The following KCNH7 variants were observed in gnomAD, a reference collection of about 807,000 sequenced individuals.
KCNH7 encodes potassium voltage-gated channel subfamily H member 7.
Under a neutral mutation model 120.8 loss-of-function variants are expected in KCNH7, and 49 were observed. That is an observed-to-expected ratio of 0.41 (90% CI 0.32 to 0.51). The LOEUF is 0.51. KCNH7 is among the 20% of genes least tolerant of loss of function. The pLI is 0.38. For synonymous variants in KCNH7, 547 were observed against 516.1 expected, an observed-to-expected ratio of 1.06 and a Z score of -0.81; for missense variants, 1,097 against 1,446.6, an observed-to-expected ratio of 0.76 and a Z score of 3.92.
Position 162,517,745 on chromosome 2 carries a change from G to T in KCNH7, c.877C>A (p.Arg293=). The T allele has an allele frequency of 1.3e-6, 2 of 1,553,474 alleles. No individual in the cohort carries two copies. Among genetic ancestry groups the T allele is most frequent in the South Asian group, 1.2e-5 (1 of 81,650 alleles). The change falls in exon 4 of 16, where the codon CGA becomes AGA. Residue 293 remains arginine, a synonymous_variant. Transcript: ENST00000332142. ...GVHPKNIFRD[R]HASEDNGRNV... ...TCAAACATACCTTCGCTGGCATGTC[G>T]GTCTCTAAATATGTTCTTGGGGTGG...
Position 162,725,902 on chromosome 2 carries a change from C to T in KCNH7, c.307+110635G>A, listed in dbSNP as rs1162170067. On this transcript the variant is annotated intron_variant, in intron 2 of 15. Transcript: ENST00000332142. The stretch of plus-strand genomic sequence containing the variant: ...ATTTTTCATAGCAAATTCCAGATAC[C>T]GTATCATGTCATCTGCACATATTTC... Among the ~76,000 whole-genome samples the T allele has an allele frequency of 2.0e-5, 3 of 152,086 alleles. No individual in the cohort carries two copies. In the East Asian group the frequency reaches 5.8e-4, roughly 29 times the overall value.
rs1207883811 is a variant in KCNH7, at chr2:162,619,538, T to C, written c.308-82458A>G. Among the ~76,000 whole-genome samples, 3 of 151,476 alleles carry C rather than the reference T, an allele frequency of 2.0e-5. No individual in the cohort carries two copies. The East Asian group carries it at 5.8e-4, about 29-fold the overall frequency. On this transcript the variant is annotated intron_variant, in intron 2 of 15. Coordinates refer to ENST00000332142, the MANE Select transcript of KCNH7 (RefSeq NM_033272.4). ...AAAATCTTCCAAAATCAATGTCAGATGACAGCTAATCTAGTAATGATTTCC... is the reference window on the plus strand; with the variant it reads ...AAAATCTTCCAAAATCAATGTCAGACGACAGCTAATCTAGTAATGATTTCC...
chr2:162,424,580 A>T (rs1164305696), intron 8 of KCNH7, among the ~76,000 whole-genome samples: 1 of 152,184 alleles, frequency 6.6e-6, no homozygotes, highest in Non-Finnish European at 1.5e-5. Context: ...ATTAAAGTAA[A>T]TTCAAACAAC....
rs141435427 is a variant in KCNH7, at chr2:162,785,707, T to A, written c.307+50830A>T. Among the ~76,000 whole-genome samples the A allele has an allele frequency of 6.1e-3, 933 of 152,272 alleles. 7 individuals are homozygous for A. Among genetic ancestry groups the A allele is most frequent in the South Asian group, 0.028 (137 of 4,830 alleles). On this transcript the variant is annotated intron_variant, in intron 2 of 15. Transcript: ENST00000332142. Reference sequence around the variant, plus strand: ...CTGTGGAATAGTTTTTTGTTTTTTGTTTTTTGTTTGTTTGCAGTTGGGGTG... The same window carrying A: ...CTGTGGAATAGTTTTTTGTTTTTTGATTTTTGTTTGTTTGCAGTTGGGGTG...
chr2:162,508,981 A>T (rs540274899), intron 5 of KCNH7, among the ~76,000 whole-genome samples: 18 of 151,562 alleles, frequency 1.2e-4, no homozygotes, highest in Non-Finnish European at 1.8e-4. Context: ...AAGCATTTGC[A>T]AGATGGATGA....
intron 6 of KCNH7, among the ~76,000 whole-genome samples, chr2:162,503,167 T>C (rs530977804): frequency 6.5e-4 from 99 of 152,206 alleles, no homozygotes; most frequent in African/African-American, 2.3e-3. Flanking sequence ...TATTCCCTTA[T>C]GCACTTGCAG....
chr2:162,570,516 T>C (rs1191364936), intron 2 of KCNH7, among the ~76,000 whole-genome samples: 1 of 152,076 alleles, frequency 6.6e-6, no homozygotes, highest in African/African-American at 2.4e-5. Context: ...AATTGGAGCA[T>C]TTAGTCCACT....
intron 6 of KCNH7, among the ~76,000 whole-genome samples, chr2:162,478,600 A>C (rs1484115160): frequency 2.6e-5 from 4 of 152,164 alleles, no homozygotes; most frequent in Admixed American, 2.6e-4. Context: ...ACCTCAACCC[A>C]CTTCAGGGAC....
At chr2:162,654,109 G>A (rs1224395300) in intron 2 of KCNH7, among the ~76,000 whole-genome samples, 1 of 146,388 alleles carries the variant, frequency 6.8e-6, no homozygotes. Context: ...TTTTTGAAAT[G>A]ACCCTAAAAA....
chr2:162,705,151 A>G (rs551237585), intron 2 of KCNH7, among the ~76,000 whole-genome samples: 6 of 152,238 alleles, frequency 3.9e-5, no homozygotes, highest in Admixed American at 1.3e-4. Context: ...ACATCAAATT[A>G]ATCTGATAGT....
In KCNH7 at chr2:162,517,610, C is replaced by T. The variant is rs749522098; in HGVS notation, c.892+120G>A. The T allele has an allele frequency of 8.8e-4, 758 of 859,142 alleles. 5 individuals are homozygous for T. The highest frequency in any genetic ancestry group is 1.9e-4 in the Non-Finnish European group (112 of 582,264). The allele number at this position is 859,142 out of a possible 1,614,324, so 53.2% of individuals were successfully genotyped here. On this transcript the variant is annotated intron_variant, in intron 4 of 15. Transcript: ENST00000332142. Reference sequence around the variant, plus strand: ...AGTGTAGGACTCAGGTTTTTAATAGCCTTTAATCACATTTCTTTCCCCAAT... The same window carrying T: ...AGTGTAGGACTCAGGTTTTTAATAGTCTTTAATCACATTTCTTTCCCCAAT...
In KCNH7 at chr2:162,493,677, A is replaced by G. The variant is rs150083372; in HGVS notation, c.1128+10766T>C. 1.7e-3 allele frequency among the ~76,000 whole-genome samples: 252 copies of G among 152,354 alleles called. 4 individuals are homozygous for G. The South Asian group carries it at 0.029, about 18-fold the overall frequency. The stretch of plus-strand genomic sequence containing the variant: ...TAATTAAAATAACTTACCAGGTTTT[A>G]CACTAAAATTAAAAATTGCTAAGAG... On this transcript the variant is annotated intron_variant, in intron 6 of 15. Coordinates refer to ENST00000332142, the MANE Select transcript of KCNH7 (RefSeq NM_033272.4).
chr2:162,452,451 C>T, intron 6 of KCNH7, among the ~76,000 whole-genome samples: 1 of 152,072 alleles, frequency 6.6e-6, no homozygotes, highest in East Asian at 1.9e-4. Context: ...AGAATGTTTA[C>T]TTTGCCTTCT....
intron 2 of KCNH7, among the ~76,000 whole-genome samples, chr2:162,657,401 C>G (rs1255698362): frequency 6.6e-6 from 1 of 152,138 alleles, no homozygotes; most frequent in Admixed American, 6.5e-5. Context: ...TTACAGCTGT[C>G]ATCTCACAGT....
At chr2:162,542,298 G>A (rs62188239) in intron 2 of KCNH7, among the ~76,000 whole-genome samples, 1,694 of 150,144 alleles carry the variant, frequency 0.011, 18 homozygotes, top group Non-Finnish European at 0.016. Context: ...TGTGCACAAT[G>A]TGCAGGTTAG....
At chr2:162,423,202 A>C in intron 9 of KCNH7, 134 bp downstream of exon 9, 1 of 1,553,618 alleles carries the variant, frequency 6.4e-7, no homozygotes, top group Non-Finnish European at 8.7e-7. Context: ...GACTATCTCC[A>C]GGGGAGAAAA....
chr2:162,517,670 G>A (rs1488721998), intron 4 of KCNH7, 60 bp downstream of exon 4: 3 of 1,318,316 alleles, frequency 2.3e-6, no homozygotes, highest in Non-Finnish European at 3.1e-6. Context: ...CAAACAATAT[G>A]CAAATAATCA....
chr2:162,469,832 G>A (rs900725537), intron 6 of KCNH7, among the ~76,000 whole-genome samples: 3 of 152,092 alleles, frequency 2.0e-5, no homozygotes, highest in Admixed American at 6.5e-5. Context: ...TCAGCCTACC[G>A]AGTGCCTGCG....
chr2:162,773,656 GA>G (rs555524338), intron 2 of KCNH7, among the ~76,000 whole-genome samples: 4,728 of 151,644 alleles, frequency 0.031, 104 homozygotes, highest in Non-Finnish European at 0.04. Flanking sequence ...AAAAACAAAA[GA>G]AAAAAAGTGT....
Sources: allele counts gnomAD v4.1 joint callset (sites outside exome capture counted in the v4.1 genomes callset), GRCh38; gene constraint gnomAD v4.1.1; transcripts MANE v1.5; gene names NCBI Gene and HGNC (gene_info 2026-07-23, HGNC 2026-07-21).